CREBBP: variants seen among roughly 807,000 people sequenced by gnomAD.
CREBBP encodes the protein CREB-binding protein.
A neutral mutation model predicts 265.0 loss-of-function variants in CREBBP; 19 were observed. The observed-to-expected ratio is 0.07, with a 90% confidence interval of 0.05 to 0.11. The LOEUF is 0.11. Ranked by LOEUF, CREBBP falls within the 10% of genes least tolerant of loss-of-function variation. The pLI, the probability that CREBBP is intolerant of heterozygous loss-of-function variation, is 1.00. For missense variants in CREBBP, 2,525 were observed against 3,219.0 expected (o/e 0.78, Z 5.22); for synonymous variants, 1,457 against 1,223.7 (o/e 1.19, Z -3.98).
At chr16:3,765,024 G>C (rs2052815741) in intron 16 of CREBBP, among the ~76,000 whole-genome samples, 1 of 151,666 alleles carries the variant, frequency 6.6e-6, no homozygotes, top group Non-Finnish European at 1.5e-5. Context: ...CTGTCTCCCA[G>C]GCTGGAGTGC....
Position 3,729,218 on chromosome 16 carries a change from C to A in CREBBP, c.5829G>T (p.Pro1943=). ...GGGGCTGGGCCGGGGGTGGGGGGGC[C>A]GGCACCTGGCTGGTAGGCTTCCCTG... ...VSTGKPTSQV[P]APPPPAQPPP... is the part of the protein sequence containing the mutation. The change falls in exon 31 of 31, where the codon CCG becomes CCT. Residue 1943 remains proline (P), a synonymous_variant. Transcript: ENST00000262367. 6.6e-7 allele frequency: 1 copy of A among 1,525,850 alleles called. No individual in the cohort carries two copies. The highest frequency in any genetic ancestry group is 8.8e-7 in the Non-Finnish European group (1 of 1,141,840). The allele number at this position is 1,525,850 out of a possible 1,614,324, so 94.5% of individuals were successfully genotyped here. A position where few individuals can be genotyped will look rare whatever the true frequency, so the allele number is the denominator to read the frequency against.
At chr16:3,836,459 GA>G (rs1274817467) in intron 2 of CREBBP, among the ~76,000 whole-genome samples, 2 of 149,540 alleles carry the variant, frequency 1.3e-5, no homozygotes, top group South Asian at 2.1e-4. Flanking sequence ...AGAAAAAAAA[GA>G]AAAAAAAGAA....
chr16:3,745,816 G>C (rs2052328915), intron 21 of CREBBP, among the ~76,000 whole-genome samples: 1 of 152,212 alleles, frequency 6.6e-6, no homozygotes, highest in African/African-American at 2.4e-5. Context: ...GGGAAACACG[G>C]CCAGTTCAGA....
chr16:3,770,338 C>T (rs906976072), intron 14 of CREBBP, among the ~76,000 whole-genome samples: 4 of 152,094 alleles, frequency 2.6e-5, no homozygotes, highest in African/African-American at 9.7e-5. Context: ...TACAGGCACA[C>T]ACCACCATGC....
chr16:3,849,436 TGTGTG>T (rs2054758017), intron 2 of CREBBP, among the ~76,000 whole-genome samples: 1 of 11,400 alleles, frequency 8.8e-5, no homozygotes, highest in Non-Finnish European at 6.2e-4. Flanking sequence ...TGTGTGTGTG[TGTGTG>T]TGTGTGTGTG....
intron 11 of CREBBP, 168 bp from the exon 12 acceptor site, chr16:3,774,861 C>G (rs1237682252): frequency 8.8e-6 from 8 of 909,954 alleles, no homozygotes; most frequent in Non-Finnish European, 1.4e-5. Context: ...ACAGACTTCT[C>G]CATATCCAGA....
intron 2 of CREBBP, among the ~76,000 whole-genome samples, chr16:3,849,424 T>TGTGTGTGTG (rs2054747381): frequency 2.7e-4 from 2 of 7,402 alleles, no homozygotes; most frequent in African/African-American, 3.3e-4. Flanking sequence ...TGTGTGTGTG[T>TGTGTGTGTG]GTGTGTGTGT....
At chr16:3,819,403 G>T (rs1410522054) in intron 2 of CREBBP, among the ~76,000 whole-genome samples, 4 of 152,188 alleles carry the variant, frequency 2.6e-5, no homozygotes, top group Non-Finnish European at 4.4e-5. Flanking sequence ...GGGGTGAGGA[G>T]GTGAGAGACA....
chr16:3,748,837 T>G (rs1472352824), intron 21 of CREBBP, among the ~76,000 whole-genome samples: 1 of 152,140 alleles, frequency 6.6e-6, no homozygotes, highest in African/African-American at 2.4e-5. Flanking sequence ...GCACTCTCAC[T>G]CATCACTGTA....
chr16:3,748,401 A>G (rs938188585), intron 21 of CREBBP, among the ~76,000 whole-genome samples: 2 of 152,220 alleles, frequency 1.3e-5, no homozygotes, highest in African/African-American at 2.4e-5. Flanking sequence ...GATGGTCATG[A>G]GAGGGGTGGG....
chr16:3,759,152 A>C (rs2052652386), intron 16 of CREBBP, among the ~76,000 whole-genome samples, 180 bp from the exon 17 acceptor site: 1 of 152,212 alleles, frequency 6.6e-6, no homozygotes, highest in African/African-American at 2.4e-5. Flanking sequence ...CTAGTGTCAG[A>C]ACTGTGTTCA....
In CREBBP at chr16:3,793,414, C is replaced by T. The variant is rs750507234; in HGVS notation, c.1188G>A (p.Thr396=). The T allele has an allele frequency of 5.6e-6, 9 of 1,613,956 alleles. No homozygotes were observed. The highest frequency in any genetic ancestry group is 5.3e-5 in the African/African-American group (4 of 74,910). ...RTMKNVLNHM[T]HCQAGKACQV... ...GGCAGGCTTTCCCAGCCTGACAATG[C>T]GTCATGTGATTCAAAACGTTTTTCA... Residue 396 remains threonine, a synonymous_variant, in exon 4 of 31, where the codon ACG becomes ACA. Transcript: ENST00000262367.
intron 2 of CREBBP, among the ~76,000 whole-genome samples, chr16:3,849,454 TGTG>T (rs2054773054): frequency 2.2e-5 from 2 of 90,324 alleles, no homozygotes; most frequent in Admixed American, 1.2e-4. Flanking sequence ...TGTGTGTGTG[TGTG>T]TGTGTGTGTG....
chr16:3,849,381 GTGTGTGTGT>G (rs2054737184), intron 2 of CREBBP, among the ~76,000 whole-genome samples: 1 of 902 alleles, frequency 1.1e-3, no homozygotes, highest in African/African-American at 1.3e-3. Context: ...TCTTGGCCGT[GTGTGTGTGT>G]GTGTGTGTGT....
chr16:3,766,197 T>C lies in CREBBP; in HGVS notation c.3250+1523A>G, dbSNP rs1417205259. 3.9e-5 allele frequency among the ~76,000 whole-genome samples: 6 copies of C among 152,338 alleles called. No individual in the cohort carries two copies. In the South Asian group the frequency reaches 8.3e-4, roughly 21 times the overall value. On this transcript the variant is annotated intron_variant, in intron 16 of 30. Coordinates refer to ENST00000262367, the MANE Select transcript of CREBBP (RefSeq NM_004380.3). ...CAATGGATTCTAATGTCACAGACTA[T>C]GAAAAATCCAGTGCTATAGATTCTG...
chr16:3,781,062 GA>G (rs1483659276), intron 7 of CREBBP, 141 bp downstream of exon 7: 34 of 1,027,038 alleles, frequency 3.3e-5, no homozygotes, highest in Non-Finnish European at 4.7e-5. Flanking sequence ...TATAATTAAA[GA>G]AAAAAAGGAA....
intron 1 of CREBBP, among the ~76,000 whole-genome samples, chr16:3,864,345 G>T (rs1264707047): frequency 6.6e-6 from 1 of 152,166 alleles, no homozygotes; most frequent in African/African-American, 2.4e-5. Context: ...AATGCCTTAA[G>T]TCCAAAAAGT....
At chr16:3,849,424 T>TGTGTG (rs2054747275) in intron 2 of CREBBP, among the ~76,000 whole-genome samples, 8 of 7,402 alleles carry the variant, frequency 1.1e-3, no homozygotes, top group Non-Finnish European at 6.4e-3. Flanking sequence ...TGTGTGTGTG[T>TGTGTG]GTGTGTGTGT....
At chr16:3,850,273 T>C (rs374884722) in intron 2 of CREBBP, 24 bp downstream of exon 2, 252 of 1,613,054 alleles carry the variant, frequency 1.6e-4, no homozygotes, top group African/African-American at 1.3e-3. Flanking sequence ...GTAGGAAGTA[T>C]TGAAAGTGCT....
Sources: allele counts gnomAD v4.1 joint callset (sites outside exome capture counted in the v4.1 genomes callset), GRCh38; gene constraint gnomAD v4.1.1; transcripts MANE v1.5; gene names NCBI Gene and HGNC (gene_info 2026-07-23, HGNC 2026-07-21).